MAP3K20: variants seen among roughly 807,000 people sequenced by gnomAD.
MAP3K20 encodes the protein HCCS-4.
MAP3K20 carries 40 observed loss-of-function variants against 85.7 expected under a neutral mutation model. That is an observed-to-expected ratio of 0.47 (90% CI 0.36 to 0.61). The LOEUF is 0.61. MAP3K20 is among the 20% of genes least tolerant of loss of function. The pLI is 0.00. For missense variants in MAP3K20, 817 were observed against 961.7 expected, an observed-to-expected ratio of 0.85 and a Z score of 1.99; for synonymous variants, 325 against 327.7, an observed-to-expected ratio of 0.99 and a Z score of 0.09.
intron 2 of MAP3K20, among the ~76,000 whole-genome samples, chr2:173,127,524 A>G (rs934866693): frequency 3.9e-5 from 6 of 152,238 alleles, no homozygotes; most frequent in Admixed American, 2.6e-4. Context: ...GAAAAAAGAT[A>G]TGGGAAACAA....
intron 16 of MAP3K20, among the ~76,000 whole-genome samples, chr2:173,243,191 G>A (rs1044236896): frequency 3.3e-5 from 5 of 152,138 alleles, no homozygotes; most frequent in South Asian, 4.1e-4. Flanking sequence ...ACAGAATGAT[G>A]AGTTTTTACA....
intron 14 of MAP3K20, among the ~76,000 whole-genome samples, chr2:173,237,019 C>CTTTTTTTTT (rs368196400): frequency 1.2e-4 from 9 of 75,580 alleles, no homozygotes; most frequent in African/African-American, 2.2e-4. Flanking sequence ...GTATATCCAC[C>CTTTTTTTTT]TTTTTTTTTT....
intron 1 of MAP3K20, among the ~76,000 whole-genome samples, chr2:173,077,954 C>T (rs888736466): frequency 3.9e-5 from 6 of 152,194 alleles, no homozygotes; most frequent in Non-Finnish European, 7.4e-5. Flanking sequence ...TATATTGGCT[C>T]AGAGCCTATC....
intron 2 of MAP3K20, among the ~76,000 whole-genome samples, chr2:173,097,456 A>G (rs1259188046): frequency 1.3e-5 from 2 of 152,208 alleles, no homozygotes; most frequent in East Asian, 3.8e-4. Context: ...ATGTCTGTAC[A>G]TAGTATTTTT....
At chr2:173,202,985 TTTGC>T (rs1398529618) in intron 8 of MAP3K20, among the ~76,000 whole-genome samples, 1 of 152,234 alleles carries the variant, frequency 6.6e-6, no homozygotes, top group Admixed American at 6.5e-5. Flanking sequence ...AACTTCATTG[TTTGC>T]TTGTTTTACT....
intron 17 of MAP3K20, among the ~76,000 whole-genome samples, chr2:173,260,635 G>C (rs114524830): frequency 8.9e-4 from 136 of 152,320 alleles, no homozygotes; most frequent in African/African-American, 3.0e-3. Context: ...GTCATGGAAA[G>C]CAGAGCGATT....
intron 14 of MAP3K20, among the ~76,000 whole-genome samples, chr2:173,236,217 A>G (rs1684643542): frequency 7.1e-6 from 1 of 140,800 alleles, no homozygotes; most frequent in Non-Finnish European, 1.5e-5. Context: ...GCCATGAACT[A>G]TGATTGCACC....
At chr2:173,256,192 C>A (rs1267020587) in intron 16 of MAP3K20, among the ~76,000 whole-genome samples, 1 of 152,220 alleles carries the variant, frequency 6.6e-6, no homozygotes, top group Non-Finnish European at 1.5e-5. Context: ...CTTTCAACAG[C>A]CTCTTTGTGG....
At chr2:173,167,973 T>C (rs1038642670) in intron 2 of MAP3K20, among the ~76,000 whole-genome samples, 4 of 152,190 alleles carry the variant, frequency 2.6e-5, no homozygotes, top group African/African-American at 7.2e-5. Flanking sequence ...CATTGAACTT[T>C]AATGCTTTAT....
chr2:173,253,700 C>T (rs188410579), intron 16 of MAP3K20, among the ~76,000 whole-genome samples: 2 of 152,264 alleles, frequency 1.3e-5, no homozygotes, highest in Admixed American at 1.3e-4. Flanking sequence ...CACAGACATT[C>T]AAAGTGACCC....
At chr2:173,101,271 C>A (rs978342004) in intron 2 of MAP3K20, among the ~76,000 whole-genome samples, 35 of 152,168 alleles carry the variant, frequency 2.3e-4, no homozygotes, top group African/African-American at 8.2e-4. Flanking sequence ...AAGCCAAAGC[C>A]CCTAATCCTT....
chr2:173,100,413 A>G (rs943948079), intron 2 of MAP3K20, among the ~76,000 whole-genome samples: 2 of 152,192 alleles, frequency 1.3e-5, no homozygotes, highest in African/African-American at 4.8e-5. Flanking sequence ...CCAGCCTCAC[A>G]ACACCTGCCA....
At chr2:173,201,521 A>T (rs1691061709) in intron 8 of MAP3K20, among the ~76,000 whole-genome samples, 1 of 152,202 alleles carries the variant, frequency 6.6e-6, no homozygotes, top group South Asian at 2.1e-4. Flanking sequence ...ACTATACTTT[A>T]GAAAAAGATA....
At chr2:173,079,769 T>A (rs960811365) in intron 1 of MAP3K20, among the ~76,000 whole-genome samples, 1 of 152,174 alleles carries the variant, frequency 6.6e-6, no homozygotes, top group African/African-American at 2.4e-5. Context: ...TACCTCCACA[T>A]CTTGGCTCAC....
At chr2:173,190,632 A>AGG (rs1418667792) in intron 5 of MAP3K20, among the ~76,000 whole-genome samples, 2 of 152,182 alleles carry the variant, frequency 1.3e-5, no homozygotes, top group African/African-American at 4.8e-5. Flanking sequence ...AACTACTACT[A>AGG]ATTTGTGCCT....
Position 173,232,112 on chromosome 2 carries a change from G to A in MAP3K20, c.1033-80G>A, listed in dbSNP as rs890006350. ...GGAATTAAAGTTATTTTGATCTATT[G>A]AAAACTCTATGTTTACTGTGAAGAC... is the stretch of plus-strand genomic sequence containing the variant. On this transcript the variant is annotated intron_variant, in intron 12 of 19. Coordinates refer to ENST00000375213, the MANE Select transcript of MAP3K20 (RefSeq NM_016653.3). 11 of 1,544,852 alleles carry A rather than the reference G, an allele frequency of 7.1e-6. No individual in the cohort carries two copies. The African/African-American group carries it at 1.4e-4, about 19-fold the overall frequency.
Position 173,266,906 on chromosome 2 carries a change from C to A in MAP3K20, c.*156C>A. On this transcript the variant is annotated 3_prime_UTR_variant, in exon 20 of 20. Transcript: ENST00000375213. ...AATACCTTCTAATTGAGACTATAGC[C>A]AAACCAGGGCCAAAATTATGGATAT... 1.6e-6 allele frequency: 1 copy of A among 644,374 alleles called. No homozygotes were observed. The allele number at this position is 644,374 out of a possible 1,614,324, so 39.9% of individuals were successfully genotyped here. A position where few individuals can be genotyped will look rare whatever the true frequency, so the allele number is the denominator to read the frequency against.
At chr2:173,119,948 A>G (rs1180235343) in intron 2 of MAP3K20, among the ~76,000 whole-genome samples, 3 of 152,190 alleles carry the variant, frequency 2.0e-5, no homozygotes, top group Non-Finnish European at 4.4e-5. Context: ...TAACAAGGGG[A>G]AGAAGGAGAG....
chr2:173,195,792 T>A (rs759996823), intron 7 of MAP3K20, among the ~76,000 whole-genome samples: 16 of 152,190 alleles, frequency 1.1e-4, no homozygotes, highest in Non-Finnish European at 2.2e-4. Flanking sequence ...TAGCAGCTAA[T>A]GACCCCACCT....
Sources: gnomAD v4.1 joint callset for allele counts (sites outside exome capture counted in the v4.1 genomes callset) on GRCh38, gnomAD v4.1.1 for gene constraint, MANE v1.5 for transcripts, NCBI Gene and HGNC (gene_info 2026-07-23, HGNC 2026-07-21) for gene names.